SCTR: variants seen among roughly 807,000 people sequenced by gnomAD.
The protein encoded by SCTR is secretin receptor.
A neutral mutation model predicts 60.8 loss-of-function variants in SCTR; 56 were observed. That is an observed-to-expected ratio of 0.92 (90% CI 0.74 to 1.15). The LOEUF (loss-of-function observed/expected upper bound fraction) is 1.15. Ranked by LOEUF, SCTR falls within the 50% of genes most tolerant of loss-of-function variation. The pLI is 0.00. For synonymous variants in SCTR, 202 were observed against 217.0 expected, an observed-to-expected ratio of 0.93 and a Z score of 0.61; for missense variants, 562 against 550.4, an observed-to-expected ratio of 1.02 and a Z score of -0.21.
intron 1 of SCTR, among the ~76,000 whole-genome samples, chr2:119,497,793 C>A (rs967612512): frequency 6.6e-6 from 1 of 151,948 alleles, no homozygotes; most frequent in African/African-American, 2.4e-5. Flanking sequence ...AAGCAGTGAC[C>A]TAGAAGATAG....
At chr2:119,519,810 C>CAAAAAAAAAAAAA (rs71396064) in intron 1 of SCTR, among the ~76,000 whole-genome samples, 9 of 58,248 alleles carry the variant, frequency 1.5e-4, no homozygotes, top group Admixed American at 2.1e-4. Flanking sequence ...GACTCTGTCT[C>CAAAAAAAAAAAAA]AAAAAAAAAA....
In SCTR at chr2:119,481,795, C is replaced by A. The variant is rs112930498; in HGVS notation, c.194-2877G>T. 1.3e-3 allele frequency among the ~76,000 whole-genome samples: 205 copies of A among 152,372 alleles called. 1 individual carries two copies. The highest frequency in any genetic ancestry group is 2.2e-3 in the Non-Finnish European group (149 of 68,034). ...CAGCAGATGAACAAATGAAGGGACGCCAGCTGGAACCACTGCCTCCCACAC... is the reference window on the plus strand; with the variant it reads ...CAGCAGATGAACAAATGAAGGGACGACAGCTGGAACCACTGCCTCCCACAC... On this transcript the variant is annotated intron_variant, in intron 2 of 12. Coordinates refer to ENST00000019103, the MANE Select transcript of SCTR (RefSeq NM_002980.3).
rs1174773661 is a variant in SCTR at position 119,464,263 on chromosome 2, G to A, written c.504-8C>T. 1.2e-6 allele frequency: 2 copies of A among 1,614,102 alleles called. No individual in the cohort carries two copies. The highest frequency in any genetic ancestry group is 1.7e-6 in the Non-Finnish European group (2 of 1,179,978). On this transcript the variant is annotated splice_polypyrimidine_tract_variant and splice_region_variant and intron_variant, in intron 5 of 12. Coordinates refer to ENST00000019103, the MANE Select transcript of SCTR (RefSeq NM_002980.3). ...CGAGTGCAGTGGAGCCTCCTGCAGG[G>A]AGAGAATGTAGGGACATAGAGGCCA...
intron 1 of SCTR, among the ~76,000 whole-genome samples, chr2:119,502,029 G>A: frequency 6.6e-6 from 1 of 152,214 alleles, no homozygotes; most frequent in Admixed American, 6.5e-5. Flanking sequence ...GCCAAGGTAG[G>A]TGGATTGCTT....
intron 1 of SCTR, among the ~76,000 whole-genome samples, chr2:119,502,980 T>G (rs927436761): frequency 1.7e-5 from 2 of 117,646 alleles, no homozygotes; most frequent in Non-Finnish European, 3.6e-5. Flanking sequence ...TGGAACCTCA[T>G]CTCTACTAAA....
chr2:119,466,032 A>C, intron 4 of SCTR, 146 bp from the exon 5 acceptor site: 1 of 613,682 alleles, frequency 1.6e-6, no homozygotes. Flanking sequence ...CAGACACATA[A>C]CACCGTAACA....
intron 2 of SCTR, among the ~76,000 whole-genome samples, chr2:119,481,308 C>T (rs540863828): frequency 6.6e-6 from 1 of 152,322 alleles, no homozygotes; most frequent in South Asian, 2.1e-4. Flanking sequence ...TTGACCCCTT[C>T]ATCCCCTCTA....
chr2:119,441,476 C>T lies in SCTR; in HGVS notation c.1182+82G>A, dbSNP rs1254751732. The T allele has an allele frequency of 8.9e-6, 10 of 1,118,340 alleles. No homozygotes were observed. In the Admixed American group the frequency reaches 1.7e-4, roughly 19 times the overall value. The allele number at this position is 1,118,340 out of a possible 1,614,324, so 69.3% of individuals were successfully genotyped here. On this transcript the variant is annotated intron_variant, in intron 12 of 12. Coordinates refer to ENST00000019103, the MANE Select transcript of SCTR (RefSeq NM_002980.3). Reference sequence around the variant, plus strand: ...ACCCTTTCCATCCCCCTTCCTACCACCCCTCCCAGGTAGCTCCTTCTGACC... The same window carrying T: ...ACCCTTTCCATCCCCCTTCCTACCATCCCTCCCAGGTAGCTCCTTCTGACC...
chr2:119,497,824 C>A (rs1278869926), intron 1 of SCTR, among the ~76,000 whole-genome samples: 3 of 151,982 alleles, frequency 2.0e-5, no homozygotes, highest in Non-Finnish European at 2.9e-5. Context: ...ATTACACAAC[C>A]TGAACAACAG....
At chr2:119,515,588 C>T (rs1052047141) in intron 1 of SCTR, among the ~76,000 whole-genome samples, 1 of 152,212 alleles carries the variant, frequency 6.6e-6, no homozygotes, top group Non-Finnish European at 1.5e-5. Context: ...CTCTTTCTCT[C>T]TCTTTCCTGG....
chr2:119,470,154 C>G (rs185626190), intron 4 of SCTR, among the ~76,000 whole-genome samples: 29 of 152,224 alleles, frequency 1.9e-4, no homozygotes, highest in Admixed American at 1.7e-3. Flanking sequence ...GTTTGCAAAT[C>G]CCATTTTATT....
intron 8 of SCTR, 117 bp downstream of exon 8, chr2:119,453,170 G>GTGGCTC (rs1683238471): frequency 1.3e-6 from 1 of 773,092 alleles, no homozygotes. Flanking sequence ...GAACTCATCT[G>GTGGCTC]TGGCCTCTAC....
chr2:119,497,617 C>CAGGA (rs1300672738), intron 1 of SCTR, among the ~76,000 whole-genome samples: 4 of 149,064 alleles, frequency 2.7e-5, no homozygotes, highest in African/African-American at 1.0e-4. Flanking sequence ...GGAAGGAAGG[C>CAGGA]AGGAAGGCAG....
chr2:119,476,008 G>C (rs1677281132), intron 3 of SCTR, among the ~76,000 whole-genome samples: 1 of 152,070 alleles, frequency 6.6e-6, no homozygotes, highest in South Asian at 2.1e-4. Context: ...GAAACATCTG[G>C]GGGCAGAATC....
intron 1 of SCTR, among the ~76,000 whole-genome samples, chr2:119,519,075 C>G (rs554667919): frequency 1.3e-5 from 2 of 152,302 alleles, no homozygotes; most frequent in East Asian, 3.9e-4. Context: ...TCAAGCGATT[C>G]TCCTGCCTCA....
chr2:119,446,819 G>C lies in SCTR; in HGVS notation c.1080C>G (p.Phe360Leu). The C allele has an allele frequency of 6.3e-7, 1 of 1,584,702 alleles. No homozygotes were observed. Among genetic ancestry groups the C allele is most frequent in the Non-Finnish European group, 8.6e-7 (1 of 1,164,638 alleles). Residue 360 changes from phenylalanine to leucine, a missense_variant, in exon 11 of 13, where the codon TTC (phenylalanine) becomes TTG (leucine). Physicochemically the swap from Phe to Leu is conservative, Grantham distance 22. Coordinates refer to ENST00000019103, the MANE Select transcript of SCTR (RefSeq NM_002980.3). ...GGATCTCCATAGCGTCCTCTGGGGA[G>C]AAGGCGAAGACGATGTAGTGGATGC... Reference protein sequence around the residue: ...LFGIHYIVFAFSPEDAMEIQL... With the variant: ...LFGIHYIVFALSPEDAMEIQL...
At chr2:119,501,209 G>A (rs889141363) in intron 1 of SCTR, among the ~76,000 whole-genome samples, 5 of 152,118 alleles carry the variant, frequency 3.3e-5, no homozygotes, top group Non-Finnish European at 5.9e-5. Flanking sequence ...AGGAGATCGA[G>A]ACCATCCTGG....
In SCTR at chr2:119,446,739, C is replaced by G; in HGVS notation, c.1140+20G>C. ...GAGAACTCCTCTTTTCAGCTGGCAG[C>G]CCCAGTCCTGGAAACTTACCTGGAA... On this transcript the variant is annotated intron_variant, in intron 11 of 12. Transcript: ENST00000019103. 1 of 1,486,048 alleles carries G rather than the reference C, an allele frequency of 6.7e-7. No homozygotes were observed. Among genetic ancestry groups the G allele is most frequent in the Non-Finnish European group, 9.0e-7 (1 of 1,111,376 alleles). 92.1% of individuals were successfully genotyped at this position (1,486,048 alleles called of 1,614,324 possible).
chr2:119,481,419 C>T (rs1677595793), intron 2 of SCTR, among the ~76,000 whole-genome samples: 1 of 152,158 alleles, frequency 6.6e-6, no homozygotes, highest in African/African-American at 2.4e-5. Context: ...GATCTCTAGG[C>T]CCCAGATCCT....
Sources: allele counts gnomAD v4.1 joint callset (sites outside exome capture counted in the v4.1 genomes callset), GRCh38; gene constraint gnomAD v4.1.1; transcripts MANE v1.5; gene names NCBI Gene and HGNC (gene_info 2026-07-23, HGNC 2026-07-21).